GPR179: variants seen among roughly 807,000 people sequenced by gnomAD.
The protein encoded by GPR179 is G protein-coupled receptor 179.
GPR179 carries 52 observed loss-of-function variants against 70.8 expected under a neutral mutation model. The ratio of observed to expected loss-of-function variants is 0.73; its 90% CI spans 0.59 to 0.93. The LOEUF (loss-of-function observed/expected upper bound fraction) is 0.93, where lower values mean the gene tolerates loss of function less well. Among genes scored for constraint, GPR179 ranks in the 40% least tolerant of loss-of-function variants. The probability of loss-of-function intolerance (pLI) is 0.00; values close to 1 mark genes in which losing one functional copy is unlikely to be tolerated. For missense variants in GPR179, 2,734 were observed against 2,966.8 expected (o/e 0.92, Z 1.82); for synonymous variants, 1,123 against 1,169.0 (o/e 0.96, Z 0.80).
chr17:38,337,077 C>T lies in GPR179; in HGVS notation c.1128G>A (p.Glu376=). ...GCACAGCGGCCCGCAGCACCGCGGC[C>T]TCTTCCACCAGGCACGGTGTGGCAT... The part of the protein sequence containing the change: ...CMDATPCLVE[E]AAVLRAAVLA... Residue 376 remains glutamate, a synonymous_variant, in exon 4 of 11, where the codon GAG becomes GAA. Coordinates refer to ENST00000616987, the MANE Select transcript of GPR179 (RefSeq NM_001004334.4). 1 of 1,609,972 alleles carries T rather than the reference C, an allele frequency of 6.2e-7. No individual in the cohort carries two copies. Among genetic ancestry groups the T allele is most frequent in the South Asian group, 1.1e-5 (1 of 90,198 alleles).
chr17:38,331,149 A>C lies in GPR179; in HGVS notation c.2420T>G (p.Val807Gly). The C allele has an allele frequency of 1.2e-6, 2 of 1,606,488 alleles. No individual in the cohort carries two copies. The highest frequency in any genetic ancestry group is 1.7e-6 in the Non-Finnish European group (2 of 1,179,664). Residue 807 changes from valine (V) to glycine (G), a missense_variant, in exon 11 of 11, where the codon GTG (valine) becomes GGG (glycine). Val to Gly is a moderately radical substitution (Grantham distance 109). Transcript: ENST00000616987. ...KASRTESRES[V>G]EGPPALGFRS... ...GAAGCCCAGGGCAGGGGGCCCCTCCACCGACTCCCGGCTCTCTGTTCGAGA... is the reference window on the plus strand; with the variant it reads ...GAAGCCCAGGGCAGGGGGCCCCTCCCCCGACTCCCGGCTCTCTGTTCGAGA...
Position 38,343,905 on chromosome 17 carries a change from T to TCTCTCC in GPR179, c.-122_-117dup. 1.2e-6 allele frequency: 1 copy of TCTCTCC among 811,068 alleles called. No homozygotes were observed. The highest frequency in any genetic ancestry group is 1.9e-6 in the Non-Finnish European group (1 of 534,876). 50.2% of individuals were successfully genotyped at this position (811,068 alleles called of 1,614,324 possible). ...CTCCTATGCTGGCGTTCCTTCTTCC[T>TCTCTCC]CTCTCCGTCTCCCTCTCACGCTGGT... On this transcript the variant is annotated 5_prime_UTR_variant, in exon 1 of 11. Coordinates refer to ENST00000616987, the MANE Select transcript of GPR179 (RefSeq NM_001004334.4). This position sits in a 1 kb window ranked among gnomAD's most constrained non-coding sequence, Gnocchi z 4.2.
rs759716159 is a variant in GPR179 at position 38,334,881 on chromosome 17, C to G, written c.1646-39G>C. 6.2e-7 allele frequency: 1 copy of G among 1,607,040 alleles called. No homozygotes were observed. The highest frequency in any genetic ancestry group is 8.5e-7 in the Non-Finnish European group (1 of 1,177,170). Reference sequence around the variant, plus strand: ...GGGAGGGAGAGAGCCGGCACCACCTCAGCAGCTGTCCCACCCCTTTCTCTG... The same window carrying G: ...GGGAGGGAGAGAGCCGGCACCACCTGAGCAGCTGTCCCACCCCTTTCTCTG... On this transcript the variant is annotated intron_variant, in intron 7 of 10. Transcript: ENST00000616987. The surrounding 1 kb of genome is among the most constrained non-coding windows in gnomAD (Gnocchi z 4.7).
chr17:38,327,873 C>T lies in GPR179; in HGVS notation c.5696G>A (p.Ser1899Asn). The change falls in exon 11 of 11, where the codon AGT becomes AAT. Residue 1899 changes from serine (S) to asparagine (N), a missense_variant. Ser to Asn is a conservative substitution (Grantham distance 46). Coordinates refer to ENST00000616987, the MANE Select transcript of GPR179 (RefSeq NM_001004334.4). ...GGAATGTCCCTCTGCCACTTCACTA[C>T]TCATGCTGCTGGGCAAGTCTGAGAT... ...PKISDLPSSMSSEVAEGHSLE... is the reference protein window; with the variant it reads ...PKISDLPSSMNSEVAEGHSLE... The T allele has an allele frequency of 6.2e-7, 1 of 1,614,192 alleles. No homozygotes were observed. Among genetic ancestry groups the T allele is most frequent in the South Asian group, 1.1e-5 (1 of 91,078 alleles).
intron 10 of GPR179, among the ~76,000 whole-genome samples, chr17:38,332,755 A>G (rs1369892298): frequency 6.6e-6 from 1 of 152,236 alleles, no homozygotes; most frequent in Non-Finnish European, 1.5e-5. Context: ...GACCACAGAC[A>G]TGTACCACCA....
rs539498416 is a variant in GPR179 at position 38,331,363 on chromosome 17, G to A, written c.2206C>T (p.Arg736Trp). The A allele has an allele frequency of 1.9e-5, 31 of 1,613,138 alleles. No homozygotes were observed. The highest frequency in any genetic ancestry group is 1.7e-4 in the Admixed American group (10 of 59,970). ...CCGTGGCCTGGGGATCCTGAGTCCC[G>A]GGAGTGCTGCCTGGCCAGGGCCTCG... ...FPEALARQHSRDSGSPGHGSL... is the reference protein window; with the variant it reads ...FPEALARQHSWDSGSPGHGSL... Residue 736 changes from arginine to tryptophan, a missense_variant, in exon 11 of 11, where the codon CGG becomes TGG. Physicochemically the swap from Arg to Trp is moderately radical, Grantham distance 101. Transcript: ENST00000616987.
Position 38,334,652 on chromosome 17 carries a change from G to T in GPR179, c.1784+52C>A. The T allele has an allele frequency of 6.3e-7, 1 of 1,597,036 alleles. No homozygotes were observed. The highest frequency in any genetic ancestry group is 8.6e-7 in the Non-Finnish European group (1 of 1,167,062). Reference sequence around the variant, plus strand: ...TGGGGGCACCTCACCTGGGAGAGGTGAGGAGTACTGTTAGAGTGGAAGGGG... The same window carrying T: ...TGGGGGCACCTCACCTGGGAGAGGTTAGGAGTACTGTTAGAGTGGAAGGGG... On this transcript the variant is annotated intron_variant, in intron 8 of 10. Coordinates refer to ENST00000616987, the MANE Select transcript of GPR179 (RefSeq NM_001004334.4). The surrounding 1 kb of genome is among the most constrained non-coding windows in gnomAD (Gnocchi z 4.7).
In GPR179 at chr17:38,329,447, G is replaced by A; in HGVS notation, c.4122C>T (p.Asp1374=). ...AGGGACACGGCTCTGCCTTGGTGAT[G>A]TCAGGGGTATGAGCTTCTGGGCCAG... ...EAAGPEAHTP[D]ITKAEPCPWE... The change falls in exon 11 of 11, where the codon GAC becomes GAT. Residue 1374 remains aspartate, a synonymous_variant. Transcript: ENST00000616987. 6.2e-7 allele frequency: 1 copy of A among 1,614,024 alleles called. No homozygotes were observed. Among genetic ancestry groups the A allele is most frequent in the South Asian group, 1.1e-5 (1 of 91,080 alleles).
In GPR179 at chr17:38,328,550, G is replaced by C. The variant is rs182907807; in HGVS notation, c.5019C>G (p.Thr1673=). 2.6e-3 allele frequency: 4,153 copies of C among 1,614,100 alleles called. 10 individuals are homozygous for C. The highest frequency in any genetic ancestry group is 3.1e-3 in the Non-Finnish European group (3,676 of 1,180,020). Reference sequence around the variant, plus strand: ...CCACACTGCCTGACATCTGGAGAAGGGTTTGGGGTCTCTCTGTGTCTTGAG... The same window carrying C: ...CCACACTGCCTGACATCTGGAGAAGCGTTTGGGGTCTCTCTGTGTCTTGAG... ...PRPQDTERPQ[T]LLQMSGSVGS... is the part of the protein sequence containing the mutation. The change falls in exon 11 of 11, where the codon ACC becomes ACG. Residue 1673 remains threonine (T), a synonymous_variant. Coordinates refer to ENST00000616987, the MANE Select transcript of GPR179 (RefSeq NM_001004334.4).
chr17:38,338,735 C>T (rs1567727194), intron 2 of GPR179, among the ~76,000 whole-genome samples: 1 of 152,250 alleles, frequency 6.6e-6, no homozygotes, highest in Non-Finnish European at 1.5e-5. Flanking sequence ...TGGCTCAGCT[C>T]AGGAACAAGC....
rs368249174 is a variant in GPR179, at chr17:38,328,829, C to T, written c.4740G>A (p.Pro1580=). ...TQVCPQEDLR[P]EAQEATPAKT... ...TGGCAGGTGTTGCTTCCTGTGCCTCCGGCCTGAGATCTTCCTGTGGACACA... is the reference window on the plus strand; with the variant it reads ...TGGCAGGTGTTGCTTCCTGTGCCTCTGGCCTGAGATCTTCCTGTGGACACA... Residue 1580 remains proline, a synonymous_variant, in exon 11 of 11, where the codon CCG becomes CCA. Coordinates refer to ENST00000616987, the MANE Select transcript of GPR179 (RefSeq NM_001004334.4). The T allele has an allele frequency of 2.2e-5, 35 of 1,613,686 alleles. No individual in the cohort carries two copies. The highest frequency in any genetic ancestry group is 5.0e-5 in the Admixed American group (3 of 59,956).
chr17:38,342,954 A>G lies in GPR179; in HGVS notation c.794+42T>C, dbSNP rs755670153. On this transcript the variant is annotated intron_variant, in intron 1 of 10. Transcript: ENST00000616987. Reference sequence around the variant, plus strand: ...GAGGGGACCTGTACTTCCTTCCCCTACATCCCCACACATGCATCAAATCCT... The same window carrying G: ...GAGGGGACCTGTACTTCCTTCCCCTGCATCCCCACACATGCATCAAATCCT... 6 of 1,537,454 alleles carry G rather than the reference A, an allele frequency of 3.9e-6. No homozygotes were observed. In the South Asian group the frequency reaches 7.6e-5, roughly 19 times the overall value.
rs1208959672 is a variant in GPR179, at chr17:38,331,212, AG to A, written c.2356del (p.Asp787ThrfsTer4). On this transcript the variant is annotated frameshift_variant, in exon 11 of 11. Transcript: ENST00000616987. LOFTEE classifies it low-confidence loss of function (END_TRUNC). ...CAGCTTCCTCCTCAGCAGTGAGTCA[AG>A]AAGAGGCGGGTCCTGCTCCCTGCGC... is the stretch of plus-strand genomic sequence containing the variant. ...DQRREQDPPL[L>X]DSLLRRKLAK... The A allele has an allele frequency of 6.2e-7, 1 of 1,606,120 alleles. No homozygotes were observed. The highest frequency in any genetic ancestry group is 2.2e-5 in the East Asian group (1 of 44,708).
In GPR179 at chr17:38,337,805, C is replaced by T. The variant is rs1490890026; in HGVS notation, c.904-85G>A. On this transcript the variant is annotated intron_variant, in intron 2 of 10. Transcript: ENST00000616987. Reference sequence around the variant, plus strand: ...CTCCTGGGAGAGATGGAGGGTCCATCTACCTCCCTATCCATGGGACTTGGG... The same window carrying T: ...CTCCTGGGAGAGATGGAGGGTCCATTTACCTCCCTATCCATGGGACTTGGG... 3.5e-6 allele frequency: 4 copies of T among 1,156,228 alleles called. No homozygotes were observed. In the East Asian group the frequency reaches 9.8e-5, roughly 28 times the overall value. 71.6% of individuals were successfully genotyped at this position (1,156,228 alleles called of 1,614,324 possible).
chr17:38,330,503 AG>A lies in GPR179; in HGVS notation c.3065del (p.Pro1022LeufsTer16), dbSNP rs1178294936. The A allele has an allele frequency of 6.4e-7, 1 of 1,553,808 alleles. No homozygotes were observed. Among genetic ancestry groups the A allele is most frequent in the Non-Finnish European group, 8.7e-7 (1 of 1,151,216 alleles). On this transcript the variant is annotated frameshift_variant, in exon 11 of 11. Coordinates refer to ENST00000616987, the MANE Select transcript of GPR179 (RefSeq NM_001004334.4). LOFTEE classifies it low-confidence loss of function (END_TRUNC). ...TCCAGAGCCTGGCTCGAGCTGGGGC[AG>A]GGGAGTGGTGGCCTCGCTCTGGCCC... ...PSGPERGHHS[P>X]APARARLWRA...
chr17:38,328,642 GGA>G lies in GPR179; in HGVS notation c.4925_4926del (p.Ile1642ThrfsTer80), dbSNP rs774122440. On this transcript the variant is annotated frameshift_variant, in exon 11 of 11. Transcript: ENST00000616987. LOFTEE classifies it low-confidence loss of function (END_TRUNC). ...VTAWEKPEGQ[I>X]QKQEAVGPWE... is the part of the protein sequence containing the mutation. ...CAGGGGCCGACCGCTTCTTGCTTTTGGATCTGCCCCTCAGGCTTTTCCCAAGC... is the reference window on the plus strand; with the variant it reads ...CAGGGGCCGACCGCTTCTTGCTTTTGTCTGCCCCTCAGGCTTTTCCCAAGC... 2 of 1,614,136 alleles carry G rather than the reference GGA, an allele frequency of 1.2e-6. No individual in the cohort carries two copies. Among genetic ancestry groups the G allele is most frequent in the Non-Finnish European group, 1.7e-6 (2 of 1,180,012 alleles).
Position 38,326,277 on chromosome 17 carries a change from C to T in GPR179, c.*188G>A. 1 of 531,702 alleles carries T rather than the reference C, an allele frequency of 1.9e-6. No homozygotes were observed. The highest frequency in any genetic ancestry group is 4.8e-4 in the Middle Eastern group (1 of 2,074). The allele number at this position is 531,702 out of a possible 1,614,324, so 32.9% of individuals were successfully genotyped here. A position where few individuals can be genotyped will look rare whatever the true frequency, so the allele number is the denominator to read the frequency against. On this transcript the variant is annotated 3_prime_UTR_variant, in exon 11 of 11. Transcript: ENST00000616987. ...AGTTAGAAGTAAAGAGAGGGTGGGCCTTCCCATTGGGGTCTAAGCTGTACC... is the reference window on the plus strand; with the variant it reads ...AGTTAGAAGTAAAGAGAGGGTGGGCTTTCCCATTGGGGTCTAAGCTGTACC...
chr17:38,340,777 G>A (rs1435894616), intron 1 of GPR179, among the ~76,000 whole-genome samples: 1 of 152,150 alleles, frequency 6.6e-6, no homozygotes, highest in Admixed American at 6.5e-5. Context: ...AATCAGCCGG[G>A]CATGGTGGCT....
intron 1 of GPR179, among the ~76,000 whole-genome samples, chr17:38,341,218 C>T (rs1044501637): frequency 6.6e-6 from 1 of 152,164 alleles, no homozygotes; most frequent in Admixed American, 6.5e-5. Flanking sequence ...TTGTTCTCTC[C>T]ACCCCTCAGC....
Sources: allele counts gnomAD v4.1 joint callset (sites outside exome capture counted in the v4.1 genomes callset), GRCh38; gene constraint gnomAD v4.1.1; non-coding constraint Gnocchi (gnomAD v3.1); transcripts MANE v1.5; gene names NCBI Gene and HGNC (gene_info 2026-07-23, HGNC 2026-07-21).